The following SLCO4A1 variants were observed in gnomAD, a reference collection of about 807,000 sequenced individuals.
SLCO4A1 encodes solute carrier organic anion transporter family member 4A1.
In SLCO4A1, 51 loss-of-function variants were observed where a neutral mutation model predicts 64.6. That is an observed-to-expected ratio of 0.79 (90% CI 0.63 to 1.00). SLCO4A1 has a LOEUF of 1.00. Ranked by LOEUF, SLCO4A1 falls within the 50% of genes least tolerant of loss-of-function variation. The pLI is 0.00. For synonymous variants in SLCO4A1, 471 were observed against 444.9 expected, an observed-to-expected ratio of 1.06 and a Z score of -0.74; for missense variants, 919 against 980.5, an observed-to-expected ratio of 0.94 and a Z score of 0.84.
At chr20:62,660,031 C>T (rs1376250424) in intron 3 of SLCO4A1, among the ~76,000 whole-genome samples, 9 of 152,254 alleles carry the variant, frequency 5.9e-5, no homozygotes, top group Admixed American at 4.6e-4. Context: ...CCTCTGGCGT[C>T]CCTGGGAACC....
intron 5 of SLCO4A1, among the ~76,000 whole-genome samples, chr20:62,664,313 C>T (rs1985662690): frequency 6.6e-6 from 1 of 152,200 alleles, no homozygotes; most frequent in South Asian, 2.1e-4. Flanking sequence ...GGTCCGTCTA[C>T]CCAGGGGCTT....
At chr20:62,684,116 G>A (rs1317227680) in intron 2 of SLCO4A1, among the ~76,000 whole-genome samples, 5 of 147,714 alleles carry the variant, frequency 3.4e-5, no homozygotes, top group South Asian at 2.2e-4. Context: ...TCCCACACAC[G>A]CTCACGCAAA....
intron 1 of SLCO4A1, among the ~76,000 whole-genome samples, chr20:62,647,792 A>T (rs1286488640): frequency 6.6e-6 from 1 of 152,224 alleles, no homozygotes; most frequent in Admixed American, 6.5e-5. Context: ...CAGTTCCCAC[A>T]GTCTGGGCTG....
At chr20:62,686,680 G>A (rs1234879472), downstream of SLCO4A1, among the ~76,000 whole-genome samples, 2 of 152,238 alleles carry the variant, frequency 1.3e-5, no homozygotes, top group Non-Finnish European at 2.9e-5. Context: ...CTAAGTCTTA[G>A]CCATGGTTGG....
downstream of SLCO4A1, among the ~76,000 whole-genome samples, chr20:62,672,912 G>A (rs1223337817): frequency 1.9e-5 from 2 of 102,874 alleles, no homozygotes; most frequent in African/African-American, 2.9e-5. Flanking sequence ...CAGAACCCCC[G>A]GGTGGTCCCC....
At position 62,671,292 on chromosome 20, in the gene SLCO4A1, C is replaced by T. The variant is rs568982094; in HGVS notation, c.2026-458C>T. Among the ~76,000 whole-genome samples the T allele has an allele frequency of 4.6e-5, 7 of 152,264 alleles. No individual in the cohort carries two copies. In the South Asian group the frequency reaches 1.2e-3, roughly 27 times the overall value. On this transcript the variant is annotated intron_variant, in intron 11 of 11. Transcript: ENST00000217159. ...GTGGGGGCAGGGCGGGCTCCTTCCG[C>T]CGCTCTGGCTCTCTGCAGCTGCATG...
At position 62,680,492 on chromosome 20, in the gene SLCO4A1, G is replaced by A. The variant is rs567305335; in HGVS notation, n.212-4949G>A. ...AATGCCTCTCAATGTGAAGTGTGACGTTAGCTGCATGTATTTTTTTAATAG... is the reference window on the plus strand; with the variant it reads ...AATGCCTCTCAATGTGAAGTGTGACATTAGCTGCATGTATTTTTTTAATAG... On this transcript the variant is annotated intron_variant and non_coding_transcript_variant, in intron 2 of 2. Transcript: ENST00000466818. 9.9e-5 allele frequency among the ~76,000 whole-genome samples: 15 copies of A among 152,058 alleles called. No homozygotes were observed. In the East Asian group the frequency reaches 1.5e-3, roughly 16 times the overall value.
chr20:62,655,748 G>A (rs746284364), intron 1 of SLCO4A1, among the ~76,000 whole-genome samples: 38 of 152,330 alleles, frequency 2.5e-4, no homozygotes, highest in Non-Finnish European at 5.1e-4. Context: ...GGGGGCTCAC[G>A]TGGCCCAGGA....
chr20:62,671,711 G>C, intron 11 of SLCO4A1, 39 bp from the exon 12 acceptor site: 1 of 1,594,606 alleles, frequency 6.3e-7, no homozygotes. Flanking sequence ...GGCTCTGGCC[G>C]AGCTCCCCAC....
intron 9 of SLCO4A1, 56 bp from the exon 10 acceptor site, chr20:62,668,421 G>T: frequency 6.4e-7 from 1 of 1,571,394 alleles, no homozygotes; most frequent in South Asian, 1.1e-5. Flanking sequence ...CCTAGGGGGT[G>T]ACTTGGCATG....
rs367723975 is a variant in SLCO4A1, at chr20:62,658,766, C to T, written c.886C>T (p.Arg296Trp). 37 of 1,605,076 alleles carry T rather than the reference C, an allele frequency of 2.3e-5. No homozygotes were observed. The East Asian group carries it at 5.6e-4, about 24-fold the overall frequency. ...GAATATCTACACGGAAATGGGCCGA[C>T]GGTGAGTGGCCGCGCACCCAGCTGC... ...LLNIYTEMGR[R>W]TELTTESPLW... The change falls in exon 3 of 12, where the codon CGG becomes TGG. Residue 296 changes from arginine to tryptophan, a missense_variant and splice_region_variant. Arg to Trp is a moderately radical substitution (Grantham distance 101). Coordinates refer to ENST00000217159, the MANE Select transcript of SLCO4A1 (RefSeq NM_016354.4).
In SLCO4A1 at chr20:62,654,390, C is replaced by T. The variant is rs547164211; in HGVS notation, c.-96-1969C>T. ...ACTGCCCGGGGAACACGGGGGGCAC[C>T]GGTCCGCCCACCCCAGCCCCAGCGC... is the stretch of plus-strand genomic sequence containing the variant. On this transcript the variant is annotated intron_variant, in intron 1 of 11. Coordinates refer to ENST00000217159, the MANE Select transcript of SLCO4A1 (RefSeq NM_016354.4). 2.0e-3 allele frequency among the ~76,000 whole-genome samples: 311 copies of T among 152,328 alleles called. 5 individuals carry two copies. Among genetic ancestry groups the T allele is most frequent in the African/African-American group, 6.8e-3 (281 of 41,574 alleles).
At chr20:62,675,359 C>T (rs942709120), downstream of SLCO4A1, among the ~76,000 whole-genome samples, 16 of 152,146 alleles carry the variant, frequency 1.1e-4, no homozygotes, top group South Asian at 2.1e-4. Context: ...GCCCGGGCTG[C>T]CGGCCACCCA....
Position 62,667,826 on chromosome 20 carries a change from G to C in SLCO4A1, c.1554G>C (p.Val518=). The C allele has an allele frequency of 1.2e-6, 2 of 1,613,376 alleles. No individual in the cohort carries two copies. Among genetic ancestry groups the C allele is most frequent in the East Asian group, 2.2e-5 (1 of 44,884 alleles). The change falls in exon 8 of 12, where the codon GTG becomes GTC. Residue 518 remains valine (V), a synonymous_variant. Coordinates refer to ENST00000217159, the MANE Select transcript of SLCO4A1 (RefSeq NM_016354.4). ...CSCQPEHYSP[V]CGSDGLMYFS... is the part of the protein sequence containing the mutation. Reference sequence around the variant, plus strand: ...GCCAGCCAGAACACTACAGCCCTGTGTGCGGCTCGGACGGCCTCATGTACT... The same window carrying C: ...GCCAGCCAGAACACTACAGCCCTGTCTGCGGCTCGGACGGCCTCATGTACT...
At position 62,657,044 on chromosome 20, in the gene SLCO4A1, A is replaced by C. The variant is rs1442344251; in HGVS notation, c.590A>C (p.Tyr197Ser). 1.3e-6 allele frequency: 2 copies of C among 1,594,620 alleles called. No homozygotes were observed. The highest frequency in any genetic ancestry group is 2.3e-5 in the East Asian group (1 of 44,412). Residue 197 changes from tyrosine to serine, a missense_variant, in exon 2 of 12, where the codon TAT (tyrosine) becomes TCT (serine). By Grantham distance (144) the Tyr-to-Ser change is moderately radical. Coordinates refer to ENST00000217159, the MANE Select transcript of SLCO4A1 (RefSeq NM_016354.4). ...FALPHFTAGR[Y>S]EVELDAGVRT... Reference sequence around the variant, plus strand: ...CTGCCCCACTTCACGGCTGGCCGCTATGAGGTGGAGTTGGACGCGGGTGTC... The same window carrying C: ...CTGCCCCACTTCACGGCTGGCCGCTCTGAGGTGGAGTTGGACGCGGGTGTC...
Position 62,645,228 on chromosome 20 carries a change from AC to A in SLCO4A1, c.-97+2676del, listed in dbSNP as rs1461305308. ...TTGAACAGGGAGGGAGGTGCCAGTAACTCACATGCTAGGTTAACAGGTTCTG... is the reference window on the plus strand; with the variant it reads ...TTGAACAGGGAGGGAGGTGCCAGTAATCACATGCTAGGTTAACAGGTTCTG... On this transcript the variant is annotated intron_variant, in intron 1 of 11. Transcript: ENST00000217159. The surrounding 1 kb of genome is among the most constrained non-coding windows in gnomAD (Gnocchi z 4.2). Among the ~76,000 whole-genome samples, 11 of 152,102 alleles carry A rather than the reference AC, an allele frequency of 7.2e-5. No individual in the cohort carries two copies. Among genetic ancestry groups the A allele is most frequent in the African/African-American group, 2.7e-4 (11 of 41,490 alleles).
At chr20:62,667,257 C>G (rs983648797) in intron 7 of SLCO4A1, among the ~76,000 whole-genome samples, 1 of 152,212 alleles carries the variant, frequency 6.6e-6, no homozygotes, top group Non-Finnish European at 1.5e-5. Context: ...GGACAATGGG[C>G]GCAGTGTGCT....
At position 62,656,766 on chromosome 20, in the gene SLCO4A1, C is replaced by T; in HGVS notation, c.312C>T (p.Gly104=). 6.2e-7 allele frequency: 1 copy of T among 1,612,732 alleles called. No homozygotes were observed. The highest frequency in any genetic ancestry group is 1.1e-5 in the South Asian group (1 of 91,062). Residue 104 remains glycine (G), a synonymous_variant, in exon 2 of 12, where the codon GGC becomes GGT. Coordinates refer to ENST00000217159, the MANE Select transcript of SLCO4A1 (RefSeq NM_016354.4). ...TGCAGGTCCTCAACACGCCCAAGGG[C>T]ATCCTGTTCTTCCTGTGTGCGGCCG... ...PCLQVLNTPK[G]ILFFLCAAAF...
downstream of SLCO4A1, among the ~76,000 whole-genome samples, chr20:62,675,022 G>A (rs941810696): frequency 6.6e-6 from 1 of 152,186 alleles, no homozygotes; most frequent in African/African-American, 2.4e-5. Flanking sequence ...CGGTCTGGGG[G>A]CTCCAAGGAC....
Sources: allele counts gnomAD v4.1 joint callset (sites outside exome capture counted in the v4.1 genomes callset), GRCh38; gene constraint gnomAD v4.1.1; non-coding constraint Gnocchi (gnomAD v3.1); transcripts MANE v1.5; gene names NCBI Gene and HGNC (gene_info 2026-07-23, HGNC 2026-07-21).